TM9SF3: variants seen among roughly 807,000 people sequenced by gnomAD.
TM9SF3 encodes the protein SM-11044-binding protein.
Under a neutral mutation model 78.6 loss-of-function variants are expected in TM9SF3, and 14 were observed. That is an observed-to-expected ratio of 0.18 (90% CI 0.12 to 0.28). TM9SF3 has a LOEUF of 0.28. Among genes scored for constraint, TM9SF3 ranks in the 10% least tolerant of loss-of-function variants. The pLI is 1.00. For synonymous variants in TM9SF3, 231 were observed against 241.7 expected (o/e 0.96, Z 0.41); for missense variants, 496 against 721.9 (o/e 0.69, Z 3.59).
intron 9 of TM9SF3, 150 bp from the exon 10 acceptor site, chr10:96,533,340 A>G: frequency 1.1e-6 from 1 of 945,360 alleles, no homozygotes; most frequent in Non-Finnish European, 1.5e-6. Flanking sequence ...TACACTAATG[A>G]AAACAAAAAG....
chr10:96,527,892 T>C, intron 12 of TM9SF3, 139 bp downstream of exon 12: 1 of 822,752 alleles, frequency 1.2e-6, no homozygotes, highest in Non-Finnish European at 1.8e-6. Context: ...ATCATTTTTA[T>C]AACTGGAAAA....
In TM9SF3 at chr10:96,578,758, T is replaced by A. The variant is rs1406870620; in HGVS notation, c.103-1929A>T. The stretch of plus-strand genomic sequence containing the variant: ...GTGCTCTAAACCAATCATTACCAAC[T>A]GATGAGAGTTGGTATTAGAATTAAA... On this transcript the variant is annotated intron_variant, in intron 1 of 14. Coordinates refer to ENST00000371142, the MANE Select transcript of TM9SF3 (RefSeq NM_020123.4). Among the ~76,000 whole-genome samples, 3 of 152,182 alleles carry A rather than the reference T, an allele frequency of 2.0e-5. No individual in the cohort carries two copies. The East Asian group carries it at 5.8e-4, about 29-fold the overall frequency.
chr10:96,557,645 T>A (rs1343517572), intron 5 of TM9SF3, among the ~76,000 whole-genome samples: 1 of 152,216 alleles, frequency 6.6e-6, no homozygotes, highest in Non-Finnish European at 1.5e-5. Flanking sequence ...TTCATCTTCT[T>A]GCTAGTCCTC....
At chr10:96,568,235 T>C (rs1435459436) in intron 2 of TM9SF3, among the ~76,000 whole-genome samples, 4 of 152,172 alleles carry the variant, frequency 2.6e-5, no homozygotes, top group African/African-American at 9.7e-5. Flanking sequence ...ACTAATGCAA[T>C]GTGTATGAAT....
chr10:96,575,128 C>A (rs908332638), intron 2 of TM9SF3, among the ~76,000 whole-genome samples: 4 of 151,834 alleles, frequency 2.6e-5, no homozygotes, highest in Non-Finnish European at 4.4e-5. Flanking sequence ...GGGTGAGGAT[C>A]TCAAAAACTA....
intron 2 of TM9SF3, among the ~76,000 whole-genome samples, chr10:96,571,394 G>A (rs776138159): frequency 1.1e-4 from 16 of 152,188 alleles, no homozygotes; most frequent in Non-Finnish European, 1.9e-4. Context: ...TTAAACCAGA[G>A]GGGCTCCAGA....
intron 5 of TM9SF3, among the ~76,000 whole-genome samples, chr10:96,558,549 G>A (rs1459891385): frequency 6.6e-6 from 1 of 151,954 alleles, no homozygotes; most frequent in African/African-American, 2.4e-5. Context: ...GGGAGGCTGA[G>A]GCAGGAGAAT....
At position 96,586,797 on chromosome 10, in the gene TM9SF3, G is replaced by A; in HGVS notation, c.39C>T (p.Ala13=). 7.8e-7 allele frequency: 1 copy of A among 1,279,938 alleles called. No individual in the cohort carries two copies. Among genetic ancestry groups the A allele is most frequent in the African/African-American group, 1.5e-5 (1 of 64,748 alleles). The allele number at this position is 1,279,938 out of a possible 1,614,324, so 79.3% of individuals were successfully genotyped here. The change falls in exon 1 of 15, where the codon GCC becomes GCT. Residue 13 remains alanine (A), a synonymous_variant. Transcript: ENST00000371142. Reference sequence around the variant, plus strand: ...GCAGCAGCAGCAGCCACAGCGCGGCGGCCGCCGCCACGCCAAGAGCGCCAG... The same window carrying A: ...GCAGCAGCAGCAGCCACAGCGCGGCAGCCGCCGCCACGCCAAGAGCGCCAG... ...PLPGALGVAA[A]AALWLLLLLL...
At chr10:96,586,619 T>TCGGGCCGCAGTGGGGCACCAC in intron 1 of TM9SF3, 115 bp downstream of exon 1, 2 of 896,734 alleles carry the variant, frequency 2.2e-6, no homozygotes, top group African/African-American at 1.8e-5. Context: ...GAAGGAGTCC[T>TCGGGCCGCAGTGGGGCACCAC]CGGGCCGCAG....
At chr10:96,535,101 C>T (rs564888722) in intron 9 of TM9SF3, among the ~76,000 whole-genome samples, 1 of 152,258 alleles carries the variant, frequency 6.6e-6, no homozygotes, top group South Asian at 2.1e-4. Flanking sequence ...GCCTTCTGTG[C>T]ACATAACAGT....
At chr10:96,584,347 A>G (rs117961688) in intron 1 of TM9SF3, among the ~76,000 whole-genome samples, 1,967 of 152,370 alleles carry the variant, frequency 0.013, 32 homozygotes, top group Non-Finnish European at 0.016. Flanking sequence ...CTATCTGGCT[A>G]AGAGGAATAG....
chr10:96,545,748 G>C (rs1481952525), intron 8 of TM9SF3, among the ~76,000 whole-genome samples: 1 of 152,154 alleles, frequency 6.6e-6, no homozygotes, highest in Non-Finnish European at 1.5e-5. Flanking sequence ...AATTAGCCGG[G>C]CATGGTGACA....
chr10:96,553,454 ATACTT>A (rs1487893166), intron 5 of TM9SF3, among the ~76,000 whole-genome samples: 4 of 152,202 alleles, frequency 2.6e-5, no homozygotes, highest in African/African-American at 9.6e-5. Context: ...GGAGGAGCTA[ATACTT>A]ATCTTGTAAG....
intron 5 of TM9SF3, 92 bp downstream of exon 5, chr10:96,559,567 T>A (rs990322887): frequency 1.1e-6 from 1 of 883,450 alleles, no homozygotes; most frequent in African/African-American, 1.7e-5. Flanking sequence ...TCCACAGTCC[T>A]CAACACAGTG....
intron 2 of TM9SF3, among the ~76,000 whole-genome samples, chr10:96,570,751 A>AC (rs1848429288): frequency 1.3e-5 from 2 of 152,032 alleles, no homozygotes; most frequent in East Asian, 3.9e-4. Flanking sequence ...TGGGAAAAAA[A>AC]CAAAAAAAAT....
At chr10:96,530,632 TA>T (rs1847884171) in intron 10 of TM9SF3, 24 bp from the exon 11 acceptor site, 1 of 1,586,660 alleles carries the variant, frequency 6.3e-7, no homozygotes, top group East Asian at 2.3e-5. Flanking sequence ...AAATTAATAG[TA>T]AACTTCTAGT....
Position 96,540,483 on chromosome 10 carries a change from T to C in TM9SF3, c.1185+3593A>G, listed in dbSNP as rs1589450006. On this transcript the variant is annotated intron_variant, in intron 9 of 14. Coordinates refer to ENST00000371142, the MANE Select transcript of TM9SF3 (RefSeq NM_020123.4). Reference sequence around the variant, plus strand: ...TCAAGCTAAGGCAGCTGGGTACTCCTGTACAATCAACTGCCTTGCGTATCT... The same window carrying C: ...TCAAGCTAAGGCAGCTGGGTACTCCCGTACAATCAACTGCCTTGCGTATCT... Among the ~76,000 whole-genome samples, 4 of 152,210 alleles carry C rather than the reference T, an allele frequency of 2.6e-5. No individual in the cohort carries two copies. The South Asian group carries it at 8.3e-4, about 31-fold the overall frequency.
chr10:96,555,867 C>T (rs1165352816), intron 5 of TM9SF3, among the ~76,000 whole-genome samples: 1 of 151,936 alleles, frequency 6.6e-6, no homozygotes, highest in African/African-American at 2.4e-5. Flanking sequence ...CAGAAAAGCT[C>T]AAGAGGGAAA....
At chr10:96,584,384 T>A (rs1055765852) in intron 1 of TM9SF3, among the ~76,000 whole-genome samples, 1 of 152,256 alleles carries the variant, frequency 6.6e-6, no homozygotes, top group African/African-American at 2.4e-5. Flanking sequence ...AGAAATATTT[T>A]CAAGAAATTT....
Sources: allele counts gnomAD v4.1 joint callset (sites outside exome capture counted in the v4.1 genomes callset), GRCh38; gene constraint gnomAD v4.1.1; transcripts MANE v1.5; gene names NCBI Gene and HGNC (gene_info 2026-07-23, HGNC 2026-07-21).